Variants in MYO19 observed in about 807,000 individuals in gnomAD.
MYO19 encodes the protein myosin XIX.
MYO19 carries 132 observed loss-of-function variants against 129.2 expected under a neutral mutation model. That is an observed-to-expected ratio of 1.02 (90% confidence interval 0.89 to 1.18). The LOEUF is 1.18. MYO19 is among the 50% of genes most tolerant of loss of function. The probability of loss-of-function intolerance (pLI) is 0.00; values close to 1 mark genes in which losing one functional copy is unlikely to be tolerated. For synonymous variants in MYO19, 531 were observed against 477.2 expected, an observed-to-expected ratio of 1.11 and a Z score of -1.47; for missense variants, 1,210 against 1,216.7, an observed-to-expected ratio of 0.99 and a Z score of 0.08.
At chr17:36,536,304 G>A (rs2074120500), upstream of MYO19, among the ~76,000 whole-genome samples, 1 of 152,122 alleles carries the variant, frequency 6.6e-6, no homozygotes, top group African/African-American at 2.4e-5. Flanking sequence ...AGTAGGTTTG[G>A]AGAGGCTCTG....
upstream of MYO19, chr17:36,538,684 G>A (rs2074177647): frequency 2.3e-6 from 3 of 1,325,128 alleles, no homozygotes; most frequent in African/African-American, 1.5e-5. Flanking sequence ...TAAAGAAATT[G>A]TGCTTTTGGC....
chr17:36,506,698 C>A (rs529135471), intron 17 of MYO19, 90 bp from the exon 18 acceptor site: 2 of 1,437,870 alleles, frequency 1.4e-6, no homozygotes, highest in Admixed American at 2.7e-5. Flanking sequence ...GATGACGGGG[C>A]TTCCAGGTAG....
chr17:36,528,962 T>C (rs1281994041), intron 3 of MYO19, among the ~76,000 whole-genome samples: 2 of 152,148 alleles, frequency 1.3e-5, no homozygotes, highest in East Asian at 1.9e-4. Context: ...GCTTTTGATG[T>C]AAAACAGCTG....
chr17:36,498,054 TA>T (rs1567724640), intron 25 of MYO19: 1 of 544,376 alleles, frequency 1.8e-6, no homozygotes, highest in East Asian at 2.9e-5. Flanking sequence ...AAGCAGTTTT[TA>T]AAAAGATAAA....
rs1004191104 is a variant in MYO19 at position 36,527,974 on chromosome 17, T to A, written c.151+90A>T. 7 of 1,521,220 alleles carry A rather than the reference T, an allele frequency of 4.6e-6. No individual in the cohort carries two copies. The South Asian group carries it at 7.6e-5, about 17-fold the overall frequency. The allele number at this position is 1,521,220 out of a possible 1,614,324, so 94.2% of individuals were successfully genotyped here. Reference sequence around the variant, plus strand: ...CTCCAGATCAGGAGTCCTGCCGACCTCCGTCTGACCTGGAGAAGCTGTGCT... The same window carrying A: ...CTCCAGATCAGGAGTCCTGCCGACCACCGTCTGACCTGGAGAAGCTGTGCT... On this transcript the variant is annotated intron_variant, in intron 4 of 25. Coordinates refer to ENST00000614623, the MANE Select transcript of MYO19 (RefSeq NM_001163735.2).
intron 3 of MYO19, 151 bp downstream of exon 3, chr17:36,532,376 A>G: frequency 1.1e-6 from 1 of 884,006 alleles, no homozygotes. Flanking sequence ...TATCAGGAAG[A>G]GTTTCTTGAT....
chr17:36,512,629 C>T (rs1183819657), intron 11 of MYO19: 1 of 1,288,020 alleles, frequency 7.8e-7, no homozygotes, highest in Admixed American at 2.3e-5. Context: ...GGCTTGTCCC[C>T]AGGTACTGTC....
intron 8 of MYO19, 83 bp from the exon 9 acceptor site, chr17:36,514,631 T>G: frequency 3.3e-6 from 3 of 914,670 alleles, no homozygotes; most frequent in Non-Finnish European, 5.3e-6. Context: ...CCAGATTGCC[T>G]GCTACCTGGC....
At chr17:36,508,980 T>A (rs776659668) in intron 14 of MYO19, 82 bp downstream of exon 14, 11 of 1,225,256 alleles carry the variant, frequency 9.0e-6, no homozygotes, top group Non-Finnish European at 9.5e-6. Flanking sequence ...AGTCACACAG[T>A]GGACCCAGGG....
intron 6 of MYO19, among the ~76,000 whole-genome samples, chr17:36,520,077 G>A (rs1235463717): frequency 6.6e-6 from 1 of 151,876 alleles, no homozygotes; most frequent in East Asian, 1.9e-4. Context: ...CTGGGTTCAA[G>A]CAATTCTCCC....
At chr17:36,523,182 C>CAAAA (rs34403651) in intron 6 of MYO19, among the ~76,000 whole-genome samples, 1 of 103,442 alleles carries the variant, frequency 9.7e-6, no homozygotes, top group Non-Finnish European at 2.0e-5. Context: ...AACCCTGTCT[C>CAAAA]AAAAAAAAAA....
intron 18 of MYO19, among the ~76,000 whole-genome samples, 193 bp from the exon 19 acceptor site, chr17:36,505,597 C>T (rs2071830327): frequency 6.6e-6 from 1 of 152,226 alleles, no homozygotes; most frequent in Admixed American, 6.5e-5. Flanking sequence ...CTCCCAACTT[C>T]CCATGCTCCT....
rs1008823477 is a variant in MYO19, at chr17:36,498,194, G to A, written c.2757+72C>T. On this transcript the variant is annotated intron_variant, in intron 25 of 25. Coordinates refer to ENST00000614623, the MANE Select transcript of MYO19 (RefSeq NM_001163735.2). ...TTGTCCCAGCCTCAGTCTCATTCCC[G>A]CTGTGAACTTGTAGGCTTTGCTCCT... is the stretch of plus-strand genomic sequence containing the variant. The A allele has an allele frequency of 3.0e-4, 456 of 1,517,606 alleles. 1 individual carries two copies. Among genetic ancestry groups the A allele is most frequent in the African/African-American group, 2.7e-4 (20 of 73,382 alleles). 94.0% of individuals were successfully genotyped at this position (1,517,606 alleles called of 1,614,324 possible). A position where few individuals can be genotyped will look rare whatever the true frequency, so the allele number is the denominator to read the frequency against.
chr17:36,508,274 A>C (rs908380780), intron 14 of MYO19: 2 of 193,630 alleles, frequency 1.0e-5, no homozygotes, highest in Non-Finnish European at 2.1e-5. Context: ...TTTCTGTGTT[A>C]AATCTAGTTC....
In MYO19 at chr17:36,532,421, A is replaced by G. The variant is rs141796690; in HGVS notation, c.12+106T>C. The G allele has an allele frequency of 2.6e-5, 34 of 1,325,928 alleles. 1 individual carries two copies. In the African/African-American group the frequency reaches 3.5e-4, roughly 14 times the overall value. The allele number at this position is 1,325,928 out of a possible 1,614,324, so 82.1% of individuals were successfully genotyped here. A position where few individuals can be genotyped will look rare whatever the true frequency, so the allele number is the denominator to read the frequency against. ...AAGGCACTGGAGAGACAATTTGAGG[A>G]GAGAAAAGAGACCTTTAAGGGGGCT... On this transcript the variant is annotated intron_variant, in intron 3 of 25. Coordinates refer to ENST00000614623, the MANE Select transcript of MYO19 (RefSeq NM_001163735.2).
chr17:36,536,524 C>CTTTTTTTTTTTTTTTTTTTT (rs10715370), upstream of MYO19, among the ~76,000 whole-genome samples: 1 of 125,532 alleles, frequency 8.0e-6, no homozygotes. Context: ...TTTTCTTTTC[C>CTTTTTTTTTTTTTTTTTTTT]TTTTTTTTTT....
chr17:36,507,963 G>T, intron 14 of MYO19, 39 bp from the exon 15 acceptor site: 1 of 1,550,358 alleles, frequency 6.5e-7, no homozygotes, highest in South Asian at 1.2e-5. Flanking sequence ...CCACTGCAGG[G>T]AGCAGATGGG....
At chr17:36,537,394 A>T, upstream of MYO19, 1 of 1,613,894 alleles carries the variant, frequency 6.2e-7, no homozygotes, top group Non-Finnish European at 8.5e-7. Flanking sequence ...TATCAAATAT[A>T]CCGAAGGAGG....
Position 36,498,461 on chromosome 17 carries a change from G to C in MYO19, c.2562C>G (p.Thr854=). 1 of 1,614,054 alleles carries C rather than the reference G, an allele frequency of 6.2e-7. No homozygotes were observed. Among genetic ancestry groups the C allele is most frequent in the African/African-American group, 1.3e-5 (1 of 75,068 alleles). ...GGCGGATTATTGCCTCCAGGAGCCT[G>C]GTCTGCAGCGGCGAGGTGCTCAGGG... ...PCSLSTSPLQ[T]RLLEAIIRLW... is the part of the protein sequence containing the mutation. Residue 854 remains threonine (T), a synonymous_variant, in exon 25 of 26, where the codon ACC becomes ACG. Coordinates refer to ENST00000614623, the MANE Select transcript of MYO19 (RefSeq NM_001163735.2).
Sources: gnomAD v4.1 joint callset for allele counts (sites outside exome capture counted in the v4.1 genomes callset) on GRCh38, gnomAD v4.1.1 for gene constraint, MANE v1.5 for transcripts, NCBI Gene and HGNC (gene_info 2026-07-23, HGNC 2026-07-21) for gene names.